CDKAL1: variants seen among roughly 807,000 people sequenced by gnomAD.
CDKAL1 encodes CDKAL1 threonylcarbamoyladenosine tRNA methylthiotransferase, also known as threonylcarbamoyladenosine tRNA methylthiotransferase.
In CDKAL1, 32 loss-of-function variants were observed where a neutral mutation model predicts 68.2. The ratio of observed to expected loss-of-function variants is 0.47; its 90% confidence interval spans 0.35 to 0.63. The LOEUF is 0.63. Among genes scored for constraint, CDKAL1 ranks in the 30% least tolerant of loss-of-function variants. The pLI, the probability that CDKAL1 is intolerant of heterozygous loss-of-function variation, is 0.00. For missense variants in CDKAL1, 606 were observed against 696.7 expected (o/e 0.87, Z 1.47); for synonymous variants, 234 against 244.3 (o/e 0.96, Z 0.39).
intron 7 of CDKAL1, among the ~76,000 whole-genome samples, chr6:20,774,515 G>C (rs1312870402): frequency 1.3e-5 from 2 of 152,132 alleles, no homozygotes; most frequent in Admixed American, 6.6e-5. Flanking sequence ...ACATGGGTGG[G>C]ATGTTTTCCC....
At position 20,942,510 on chromosome 6, in the gene CDKAL1, G is replaced by GT. The variant is rs140747513; in HGVS notation, c.743-12907dup. Among the ~76,000 whole-genome samples, 1,071 of 150,898 alleles carry GT rather than the reference G, an allele frequency of 7.1e-3. 13 individuals are homozygous for GT. The highest frequency in any genetic ancestry group is 0.024 in the African/African-American group (1,005 of 41,324). Reference sequence around the variant, plus strand: ...AGCCTTCCAAGTAGCTGGGATTACAGTTGGGTGCCATCATGCCCAGCTAAT... The same window carrying GT: ...AGCCTTCCAAGTAGCTGGGATTACAGTTTGGGTGCCATCATGCCCAGCTAAT... On this transcript the variant is annotated intron_variant, in intron 9 of 15. Coordinates refer to ENST00000274695, the MANE Select transcript of CDKAL1 (RefSeq NM_017774.3).
chr6:21,056,791 T>C (rs553880839), intron 11 of CDKAL1, among the ~76,000 whole-genome samples: 36 of 152,244 alleles, frequency 2.4e-4, no homozygotes, highest in Non-Finnish European at 4.7e-4. Context: ...CGTGTGGTTT[T>C]TGTCTTTATT....
chr6:21,153,198 T>G (rs2151052002), intron 13 of CDKAL1, among the ~76,000 whole-genome samples: 1 of 151,894 alleles, frequency 6.6e-6, no homozygotes, highest in African/African-American at 2.4e-5. Flanking sequence ...GTCATCTATA[T>G]TGACAACCTC....
chr6:21,175,261 G>A (rs12525940), intron 13 of CDKAL1, among the ~76,000 whole-genome samples: 7,212 of 152,268 alleles, frequency 0.047, 209 homozygotes, highest in East Asian at 0.11. Context: ...TTATTTTGAC[G>A]TTATTTTGGG....
chr6:21,048,574 T>G (rs1479605081), intron 11 of CDKAL1, among the ~76,000 whole-genome samples: 1 of 152,200 alleles, frequency 6.6e-6, no homozygotes, highest in Non-Finnish European at 1.5e-5. Context: ...CTATACCAAT[T>G]GCACTTTAGG....
intron 13 of CDKAL1, among the ~76,000 whole-genome samples, chr6:21,184,162 G>A (rs1777910287): frequency 6.7e-6 from 1 of 149,894 alleles, no homozygotes; most frequent in East Asian, 1.9e-4. Context: ...CTAAAAAAAT[G>A]AAAATATTTT....
chr6:20,875,537 G>A (rs182795894), intron 9 of CDKAL1, among the ~76,000 whole-genome samples: 2 of 152,280 alleles, frequency 1.3e-5, no homozygotes, highest in East Asian at 3.9e-4. Context: ...TCTCTGAGAT[G>A]TGGGGAGGGG....
chr6:21,138,042 A>C (rs1775704957), intron 13 of CDKAL1, among the ~76,000 whole-genome samples: 1 of 152,168 alleles, frequency 6.6e-6, no homozygotes, highest in Admixed American at 6.5e-5. Context: ...CACATTAACA[A>C]AGTAATTCAC....
intron 4 of CDKAL1, among the ~76,000 whole-genome samples, chr6:20,635,068 A>C (rs1767845142): frequency 6.6e-6 from 1 of 152,084 alleles, no homozygotes. Flanking sequence ...CATTTATGGA[A>C]CTGTAGAACA....
intron 7 of CDKAL1, among the ~76,000 whole-genome samples, chr6:20,769,041 T>G (rs112975641): frequency 4.9e-4 from 75 of 152,186 alleles, no homozygotes; most frequent in African/African-American, 1.7e-3. Flanking sequence ...CGTCCTGAGG[T>G]GGAAAAACAG....
rs572696815 is a variant in CDKAL1, at chr6:20,682,842, A to C, written c.371+33465A>C. ...GAACTGTGAGCTCTTTTTAATTTCA[A>C]TATCACTAGTGCTAAGTAACATAAC... On this transcript the variant is annotated intron_variant, in intron 5 of 15. Transcript: ENST00000274695. Among the ~76,000 whole-genome samples, 18 of 152,270 alleles carry C rather than the reference A, an allele frequency of 1.2e-4. No individual in the cohort carries two copies. In the East Asian group the frequency reaches 3.5e-3, roughly 29 times the overall value.
At chr6:20,817,624 C>T (rs1777100142) in intron 8 of CDKAL1, among the ~76,000 whole-genome samples, 1 of 152,050 alleles carries the variant, frequency 6.6e-6, no homozygotes, top group African/African-American at 2.4e-5. Context: ...TGTTTTTATG[C>T]TACTCATTTT....
chr6:20,984,964 C>T (rs1374187728), intron 10 of CDKAL1, among the ~76,000 whole-genome samples: 1 of 152,122 alleles, frequency 6.6e-6, no homozygotes, highest in African/African-American at 2.4e-5. Context: ...AATTTCCCTG[C>T]CTCCCCTCCC....
chr6:21,171,462 T>C (rs982582979), intron 13 of CDKAL1, among the ~76,000 whole-genome samples: 1 of 152,112 alleles, frequency 6.6e-6, no homozygotes, highest in Non-Finnish European at 1.5e-5. Context: ...TCCGCCCACC[T>C]TGGCCTCCCA....
chr6:20,819,830 ATTTATT>A (rs1777201320), intron 8 of CDKAL1, among the ~76,000 whole-genome samples: 1 of 152,016 alleles, frequency 6.6e-6, no homozygotes, highest in East Asian at 1.9e-4. Flanking sequence ...TTTGTTAAAT[ATTTATT>A]TTTATTTATT....
intron 4 of CDKAL1, among the ~76,000 whole-genome samples, chr6:20,584,631 C>G (rs1398185345): frequency 1.3e-5 from 2 of 152,046 alleles, no homozygotes; most frequent in Non-Finnish European, 2.9e-5. Context: ...AGCTGAGGTC[C>G]CTGGGTAGTT....
chr6:21,026,167 A>G (rs1216344196), intron 11 of CDKAL1, among the ~76,000 whole-genome samples: 1 of 152,158 alleles, frequency 6.6e-6, no homozygotes, highest in Non-Finnish European at 1.5e-5. Flanking sequence ...GCAAGTTAAA[A>G]TTAAATAAAT....
At chr6:20,702,401 G>A (rs1771406878) in intron 5 of CDKAL1, among the ~76,000 whole-genome samples, 1 of 152,178 alleles carries the variant, frequency 6.6e-6, no homozygotes. Flanking sequence ...AGGGCTTTCT[G>A]TATCCCGGAT....
chr6:20,818,560 A>G (rs903392281), intron 8 of CDKAL1, among the ~76,000 whole-genome samples: 2 of 152,012 alleles, frequency 1.3e-5, no homozygotes, highest in African/African-American at 4.8e-5. Context: ...CTATATTATG[A>G]CCATTGAAAA....
Sources: allele counts gnomAD v4.1 joint callset (sites outside exome capture counted in the v4.1 genomes callset), GRCh38; gene constraint gnomAD v4.1.1; transcripts MANE v1.5; gene names NCBI Gene and HGNC (gene_info 2026-07-23, HGNC 2026-07-21).